The following HCN1 variants were observed in gnomAD, a reference collection of about 807,000 sequenced individuals.
HCN1 encodes hyperpolarization activated cyclic nucleotide gated potassium channel 1, also known as potassium/sodium hyperpolarization-activated cyclic nucleotide-gated channel 1.
HCN1 carries 13 observed loss-of-function variants against 78.9 expected under a neutral mutation model. That is an observed-to-expected ratio of 0.16 (90% confidence interval 0.11 to 0.26). HCN1 has a LOEUF of 0.26. HCN1 is among the 10% of genes least tolerant of loss of function. The probability of loss-of-function intolerance (pLI) is 1.00; values close to 1 mark genes in which losing one functional copy is unlikely to be tolerated. For synonymous variants in HCN1, 552 were observed against 455.5 expected (o/e 1.21, Z -2.70); for missense variants, 810 against 1,154.3 (o/e 0.70, Z 4.32).
At chr5:45,334,089 T>A (rs541131070) in intron 5 of HCN1, among the ~76,000 whole-genome samples, 1 of 151,882 alleles carries the variant, frequency 6.6e-6, no homozygotes, top group South Asian at 2.1e-4. Flanking sequence ...TAGTCATGGT[T>A]ATTATAACTA....
At chr5:45,548,516 T>C (rs1032028121) in intron 2 of HCN1, among the ~76,000 whole-genome samples, 3 of 152,086 alleles carry the variant, frequency 2.0e-5, no homozygotes, top group Non-Finnish European at 4.4e-5. Flanking sequence ...GAGCTATCTA[T>C]GACAAACCCA....
chr5:45,660,944 C>G (rs1244327770), intron 1 of HCN1, among the ~76,000 whole-genome samples: 2 of 57,788 alleles, frequency 3.5e-5, no homozygotes, highest in African/African-American at 7.4e-5. Context: ...CAGCTCTGCA[C>G]CAAGCGGACC....
chr5:45,595,988 C>G (rs566937865), intron 2 of HCN1, among the ~76,000 whole-genome samples: 1 of 151,948 alleles, frequency 6.6e-6, no homozygotes, highest in African/African-American at 2.4e-5. Context: ...CTCCTGGGTT[C>G]ACGACATTCT....
At chr5:45,492,392 A>AATATATATATATATATATATATAT in intron 2 of HCN1, among the ~76,000 whole-genome samples, 1 of 121,390 alleles carries the variant, frequency 8.2e-6, no homozygotes, top group Non-Finnish European at 1.7e-5. Flanking sequence ...TCTTTAAATG[A>AATATATATATATATATATATATAT]ATATATATAT....
intron 3 of HCN1, among the ~76,000 whole-genome samples, chr5:45,407,759 C>T (rs1013232765): frequency 1.3e-5 from 2 of 152,072 alleles, no homozygotes; most frequent in African/African-American, 4.8e-5. Context: ...ATCTACCTGC[C>T]TCAGCCTCCT....
At chr5:45,294,415 C>G (rs1420373147) in intron 6 of HCN1, among the ~76,000 whole-genome samples, 2 of 151,902 alleles carry the variant, frequency 1.3e-5, no homozygotes, top group Admixed American at 1.3e-4. Flanking sequence ...AAAATATTTC[C>G]TTTCTCATGG....
intron 1 of HCN1, among the ~76,000 whole-genome samples, chr5:45,647,319 AGAG>A (rs1014956548): frequency 4.6e-5 from 7 of 152,188 alleles, no homozygotes; most frequent in Admixed American, 3.3e-4. Context: ...GGAGAGATGT[AGAG>A]GAGGAGCAAT....
At chr5:45,454,963 G>A (rs1416764087) in intron 3 of HCN1, among the ~76,000 whole-genome samples, 1 of 152,052 alleles carries the variant, frequency 6.6e-6, no homozygotes, top group Non-Finnish European at 1.5e-5. Flanking sequence ...TGAGCTAGAA[G>A]TGCCTGAAGT....
In HCN1 at chr5:45,335,498, T is replaced by C. The variant is rs141901544; in HGVS notation, c.1377+17602A>G. Reference sequence around the variant, plus strand: ...AAGGGAAAGCTTACTAGCAGATTGTTTGAATACATTCCAAAAGAAATGGGG... The same window carrying C: ...AAGGGAAAGCTTACTAGCAGATTGTCTGAATACATTCCAAAAGAAATGGGG... On this transcript the variant is annotated intron_variant, in intron 5 of 7. Coordinates refer to ENST00000303230, the MANE Select transcript of HCN1 (RefSeq NM_021072.4). 5.8e-4 allele frequency among the ~76,000 whole-genome samples: 89 copies of C among 152,210 alleles called. No homozygotes were observed. The East Asian group carries it at 0.01, about 17-fold the overall frequency.
intron 5 of HCN1, among the ~76,000 whole-genome samples, chr5:45,347,018 C>G (rs1207258440): frequency 2.6e-5 from 4 of 152,202 alleles, no homozygotes; most frequent in African/African-American, 4.8e-5. Context: ...AGCAGTGGTT[C>G]TCCCAGCACG....
chr5:45,346,193 A>G (rs961924455), intron 5 of HCN1, among the ~76,000 whole-genome samples: 2 of 152,346 alleles, frequency 1.3e-5, no homozygotes, highest in Non-Finnish European at 2.9e-5. Flanking sequence ...GGTCCCTCCC[A>G]TGATATGTGG....
In HCN1 at chr5:45,396,773, A is replaced by G. The variant is rs1739696524; in HGVS notation, c.1012-63T>C. ...TAGGATGGCAGAATGAAAAGTGAGT[A>G]GGACCTGTACACAGAAGCATTATAA... is the stretch of plus-strand genomic sequence containing the variant. On this transcript the variant is annotated intron_variant, in intron 3 of 7. Transcript: ENST00000303230. The G allele has an allele frequency of 5.8e-6, 7 of 1,206,156 alleles. No individual in the cohort carries two copies. The South Asian group carries it at 8.5e-5, about 15-fold the overall frequency. The allele number at this position is 1,206,156 out of a possible 1,614,324, so 74.7% of individuals were successfully genotyped here.
chr5:45,536,366 A>T (rs571922400), intron 2 of HCN1, among the ~76,000 whole-genome samples: 4 of 152,076 alleles, frequency 2.6e-5, no homozygotes, highest in African/African-American at 9.7e-5. Context: ...CATGCTCATT[A>T]TTCTTCCATT....
At chr5:45,505,452 T>C (rs939369960) in intron 2 of HCN1, among the ~76,000 whole-genome samples, 2 of 152,172 alleles carry the variant, frequency 1.3e-5, no homozygotes, top group African/African-American at 4.8e-5. Flanking sequence ...CTCCTTTCCA[T>C]TGGTCTATAT....
intron 5 of HCN1, among the ~76,000 whole-genome samples, chr5:45,324,312 A>T (rs1746191994): frequency 6.6e-6 from 1 of 152,060 alleles, no homozygotes; most frequent in African/African-American, 2.4e-5. Flanking sequence ...TTTACAAGAA[A>T]AAAACAACCC....
At chr5:45,296,729 C>A (rs574740269) in intron 6 of HCN1, among the ~76,000 whole-genome samples, 1 of 151,780 alleles carries the variant, frequency 6.6e-6, no homozygotes, top group Admixed American at 6.6e-5. Context: ...GAAAAAAGAA[C>A]GTAAACATTA....
intron 6 of HCN1, among the ~76,000 whole-genome samples, chr5:45,302,463 T>A (rs1053493778): frequency 6.6e-6 from 1 of 152,012 alleles, no homozygotes; most frequent in African/African-American, 2.4e-5. Flanking sequence ...AATGGACTAA[T>A]ACACAAGACA....
chr5:45,424,359 G>C (rs536912757), intron 3 of HCN1, among the ~76,000 whole-genome samples: 21 of 151,872 alleles, frequency 1.4e-4, no homozygotes, highest in Admixed American at 1.1e-3. Context: ...AATTAAAGCT[G>C]TGCCTAAGAA....
intron 2 of HCN1, among the ~76,000 whole-genome samples, chr5:45,500,717 A>G (rs763614402): frequency 6.6e-6 from 1 of 152,180 alleles, no homozygotes; most frequent in Non-Finnish European, 1.5e-5. Context: ...TTGCAAAATC[A>G]CACAAAAAGT....
Sources: allele counts gnomAD v4.1 joint callset (sites outside exome capture counted in the v4.1 genomes callset), GRCh38; gene constraint gnomAD v4.1.1; transcripts MANE v1.5; gene names NCBI Gene and HGNC (gene_info 2026-07-23, HGNC 2026-07-21).